The following PCDHGA8 variants were observed in gnomAD, a reference collection of about 807,000 sequenced individuals.
The protein encoded by PCDHGA8 is protocadherin gamma subfamily A, 8.
A neutral mutation model predicts 59.2 loss-of-function variants in PCDHGA8; 45 were observed. That is an observed-to-expected ratio of 0.76 (90% CI 0.60 to 0.98). PCDHGA8 has a LOEUF of 0.98. PCDHGA8 is among the 50% of genes least tolerant of loss of function. PCDHGA8 has a pLI of 0.00. For synonymous variants in PCDHGA8, 531 were observed against 519.0 expected, an observed-to-expected ratio of 1.02 and a Z score of -0.32; for missense variants, 1,257 against 1,196.2, an observed-to-expected ratio of 1.05 and a Z score of -0.75.
chr5:141,466,118 G>A lies in PCDHGA8; in HGVS notation c.2425-28689G>A, dbSNP rs1299389265. ...GCCTGGGCAACAGAGTGAGACTCCA[G>A]CTCAAAAAAAAAATCAAGTGAAAAC... On this transcript the variant is annotated intron_variant, in intron 1 of 3. Coordinates refer to ENST00000398604, the MANE Select transcript of PCDHGA8 (RefSeq NM_032088.2). Among the ~76,000 whole-genome samples the A allele has an allele frequency of 2.0e-5, 3 of 151,096 alleles. No individual in the cohort carries two copies. The East Asian group carries it at 5.8e-4, about 29-fold the overall frequency.
chr5:141,456,098 C>T (rs1222639126), intron 1 of PCDHGA8, among the ~76,000 whole-genome samples: 2 of 151,980 alleles, frequency 1.3e-5, no homozygotes, highest in Non-Finnish European at 2.9e-5. Flanking sequence ...GGGATTTCAC[C>T]GTGTTAGCCA....
chr5:141,482,514 G>A (rs2099563611), intron 1 of PCDHGA8, among the ~76,000 whole-genome samples: 1 of 130,122 alleles, frequency 7.7e-6, no homozygotes. Flanking sequence ...CCAGAGTACA[G>A]TATGAGACAG....
At position 141,486,028 on chromosome 5, in the gene PCDHGA8, C is replaced by T; in HGVS notation, c.2425-8779C>T. On this transcript the variant is annotated intron_variant, in intron 1 of 3. Transcript: ENST00000398604. This position sits in a 1 kb window ranked among gnomAD's most constrained non-coding sequence, Gnocchi z 5.0. ...TCACCTTTTATTTCAGTGGTCATAC[C>T]CCTGATCGTGTAAGAAACCTCTTTA... The T allele has an allele frequency of 6.2e-7, 1 of 1,614,134 alleles. No individual in the cohort carries two copies. Among genetic ancestry groups the T allele is most frequent in the Non-Finnish European group, 8.5e-7 (1 of 1,180,020 alleles).
In PCDHGA8 at chr5:141,491,492, T is replaced by G. The variant is rs763487622; in HGVS notation, c.2425-3315T>G. On this transcript the variant is annotated intron_variant, in intron 1 of 3. Coordinates refer to ENST00000398604, the MANE Select transcript of PCDHGA8 (RefSeq NM_032088.2). This position sits in a 1 kb window ranked among gnomAD's most constrained non-coding sequence, Gnocchi z 6.9. ...AAGCAGTCCAGCCCCAACCTGCAGG[T>G]GAGCTCGGACGGCACGCTCAAGTAC... 3.1e-6 allele frequency: 5 copies of G among 1,614,024 alleles called. No homozygotes were observed. The highest frequency in any genetic ancestry group is 3.4e-6 in the Non-Finnish European group (4 of 1,180,006).
intron 1 of PCDHGA8, chr5:141,426,320 G>A (rs2096927622): frequency 1.1e-5 from 2 of 175,034 alleles, no homozygotes; most frequent in South Asian, 1.3e-4. Context: ...AGCAGGACCC[G>A]GCAGTGGCAA....
At chr5:141,398,643 C>T (rs746159571) in intron 1 of PCDHGA8, 1 of 1,614,024 alleles carries the variant, frequency 6.2e-7, no homozygotes, top group Admixed American at 1.7e-5. Context: ...AGTATAAACT[C>T]TCTCTTAACC....
In PCDHGA8 at chr5:141,489,684, T is replaced by A; in HGVS notation, c.2425-5123T>A. 1 of 1,614,180 alleles carries A rather than the reference T, an allele frequency of 6.2e-7. No homozygotes were observed. Among genetic ancestry groups the A allele is most frequent in the South Asian group, 1.1e-5 (1 of 91,078 alleles). ...TGCGCATCTCAGAATCAGCAGCATC[T>A]GGGGCACGATTCCCACTGGACAGTG... On this transcript the variant is annotated intron_variant, in intron 1 of 3. Transcript: ENST00000398604. This position sits in a 1 kb window ranked among gnomAD's most constrained non-coding sequence, Gnocchi z 4.5.
rs764579211 is a variant in PCDHGA8 at position 141,489,393 on chromosome 5, T to C, written c.2425-5414T>C. 1.9e-5 allele frequency: 30 copies of C among 1,614,098 alleles called. No individual in the cohort carries two copies. In the South Asian group the frequency reaches 3.3e-4, roughly 18 times the overall value. On this transcript the variant is annotated intron_variant, in intron 1 of 3. Coordinates refer to ENST00000398604, the MANE Select transcript of PCDHGA8 (RefSeq NM_032088.2). The surrounding 1 kb of genome is among the most constrained non-coding windows in gnomAD (Gnocchi z 4.5). ...CGCTGGTGGGGAATGTTGCTCAGGA[T>C]CTGGGCTTAAAGATGACAGATCTGT...
At chr5:141,422,330 CTCT>C in intron 1 of PCDHGA8, 1 of 1,548,166 alleles carries the variant, frequency 6.5e-7, no homozygotes, top group East Asian at 2.2e-5. Context: ...ACAGTGATTG[CTCT>C]TCTAAATGTG....
intron 1 of PCDHGA8, chr5:141,403,462 C>A: frequency 6.2e-7 from 1 of 1,614,050 alleles, no homozygotes; most frequent in South Asian, 1.1e-5. Flanking sequence ...TCCAGAGCTA[C>A]CAGCTCAGCC....
chr5:141,447,885 A>T (rs2098554278), intron 1 of PCDHGA8, among the ~76,000 whole-genome samples: 1 of 152,134 alleles, frequency 6.6e-6, no homozygotes, highest in Admixed American at 6.6e-5. Context: ...CAGGAGTTCG[A>T]GACCAGCCTG....
At chr5:141,499,966 G>A (rs1403177792) in intron 2 of PCDHGA8, among the ~76,000 whole-genome samples, 1 of 151,988 alleles carries the variant, frequency 6.6e-6, no homozygotes, top group African/African-American at 2.4e-5. Flanking sequence ...GGGATTACAG[G>A]TGTGAGCCAC....
chr5:141,413,470 C>T (rs748662580), intron 1 of PCDHGA8: 17 of 1,614,110 alleles, frequency 1.1e-5, no homozygotes, highest in Non-Finnish European at 1.4e-5. Flanking sequence ...CCGGGAGGAG[C>T]TCTGCGCTCA....
At chr5:141,478,425 A>G (rs1454100826) in intron 1 of PCDHGA8, 1 of 1,613,542 alleles carries the variant, frequency 6.2e-7, no homozygotes, top group African/African-American at 1.3e-5. Context: ...CGCCGCAGCG[A>G]CCCGCTGCTG....
intron 1 of PCDHGA8, among the ~76,000 whole-genome samples, chr5:141,494,034 A>T (rs1206242414): frequency 1.3e-5 from 2 of 152,162 alleles, no homozygotes; most frequent in Non-Finnish European, 2.9e-5. Flanking sequence ...CTGGAGACTT[A>T]GTTGGCCCTG....
At chr5:141,423,617 A>T (rs1426014397) in intron 1 of PCDHGA8, 3 of 1,608,486 alleles carry the variant, frequency 1.9e-6, no homozygotes, top group Admixed American at 1.7e-5. Flanking sequence ...ATAGCTGAAG[A>T]CTCAGCTATC....
At chr5:141,506,237 T>G (rs558256375) in intron 3 of PCDHGA8, among the ~76,000 whole-genome samples, 1 of 152,014 alleles carries the variant, frequency 6.6e-6, no homozygotes, top group South Asian at 2.1e-4. Flanking sequence ...GATCATGAGG[T>G]CAGGAGTTCG....
Position 141,504,677 on chromosome 5 carries a change from T to C in PCDHGA8, c.2484-716T>C, listed in dbSNP as rs552242248. 4.7e-5 allele frequency among the ~76,000 whole-genome samples: 7 copies of C among 147,580 alleles called. No homozygotes were observed. In the East Asian group the frequency reaches 1.5e-3, roughly 31 times the overall value. ...TTTGAGGGCGGGGGGTGGGGGTTCT[T>C]GTAAAATAGGAGGGGCAGGTTCTTC... On this transcript the variant is annotated intron_variant, in intron 2 of 3. Transcript: ENST00000398604.
At chr5:141,507,442 C>T (rs748782097) in intron 3 of PCDHGA8, among the ~76,000 whole-genome samples, 1 of 152,162 alleles carries the variant, frequency 6.6e-6, no homozygotes, top group African/African-American at 2.4e-5. Flanking sequence ...CTACAGCTGA[C>T]GGAAGGACAG....
Sources: allele counts gnomAD v4.1 joint callset (sites outside exome capture counted in the v4.1 genomes callset), GRCh38; gene constraint gnomAD v4.1.1; non-coding constraint Gnocchi (gnomAD v3.1); transcripts MANE v1.5; gene names NCBI Gene and HGNC (gene_info 2026-07-23, HGNC 2026-07-21).